HECW2: variants seen among roughly 807,000 people sequenced by gnomAD.
The protein encoded by HECW2 is HECT, C2 and WW domain containing E3 ubiquitin protein ligase 2, also known as E3 ubiquitin-protein ligase HECW2.
Under a neutral mutation model 175.2 loss-of-function variants are expected in HECW2, and 61 were observed. The ratio of observed to expected loss-of-function variants is 0.35; its 90% CI spans 0.28 to 0.43. The LOEUF (loss-of-function observed/expected upper bound fraction) is 0.43, where lower values mean the gene tolerates loss of function less well. HECW2 is among the 20% of genes least tolerant of loss of function. HECW2 has a pLI of 1.00. For synonymous variants in HECW2, 671 were observed against 731.0 expected (o/e 0.92, Z 1.32); for missense variants, 1,524 against 2,000.5 (o/e 0.76, Z 4.54).
Position 196,429,624 on chromosome 2 carries a change from G to T in HECW2, c.292+3508C>A, listed in dbSNP as rs189355416. On this transcript the variant is annotated intron_variant, in intron 2 of 28. Transcript: ENST00000644978. ...AGTGGTTTTCAGACATTGGAAAACA[G>T]ATGGTATTAGACTATAATCTCAGAG... 8.6e-4 allele frequency among the ~76,000 whole-genome samples: 131 copies of T among 152,354 alleles called. No individual in the cohort carries two copies. In the South Asian group the frequency reaches 0.012, roughly 14 times the overall value.
At position 196,523,056 on chromosome 2, in the gene HECW2, A is replaced by T. The variant is rs576798832; in HGVS notation, c.-36+70452T>A. ...TGATGGGGATGGCATTGAATCTGTAAATTACCTTGGGCAGTATGGCCATTT... is the reference window on the plus strand; with the variant it reads ...TGATGGGGATGGCATTGAATCTGTATATTACCTTGGGCAGTATGGCCATTT... On this transcript the variant is annotated intron_variant, in intron 1 of 28. Coordinates refer to ENST00000644978, the MANE Select transcript of HECW2 (RefSeq NM_001348768.2). Among the ~76,000 whole-genome samples, 102 of 151,512 alleles carry T rather than the reference A, an allele frequency of 6.7e-4. 2 individuals carry two copies. The highest frequency in any genetic ancestry group is 2.0e-3 in the African/African-American group (84 of 41,172).
In HECW2 at chr2:196,561,487, T is replaced by C. The variant is rs975132071; in HGVS notation, c.-36+32021A>G. The stretch of plus-strand genomic sequence containing the variant: ...TTGCCCTTGAAGCATGTGATCTTTG[T>C]GACCCACACCCTATTCGTACACTCC... On this transcript the variant is annotated intron_variant, in intron 1 of 28. Transcript: ENST00000644978. 4.6e-5 allele frequency among the ~76,000 whole-genome samples: 7 copies of C among 152,206 alleles called. 1 individual carries two copies. Among genetic ancestry groups the C allele is most frequent in the Non-Finnish European group, 7.3e-5 (5 of 68,038 alleles).
In HECW2 at chr2:196,201,286, T is replaced by G. The variant is rs1418807534; in HGVS notation, c.4710A>C (p.Gly1570=). The G allele has an allele frequency of 1.9e-6, 3 of 1,610,490 alleles. No homozygotes were observed. Among genetic ancestry groups the G allele is most frequent in the Non-Finnish European group, 2.5e-6 (3 of 1,176,904 alleles). Residue 1570 remains glycine, a synonymous_variant, in exon 29 of 29, where the codon GGA becomes GGC. Coordinates refer to ENST00000644978, the MANE Select transcript of HECW2 (RefSeq NM_001348768.2). ...GCATTCAGCTTCCAGGTCACTCAAGTCCAAAAGTACTGGTTTCTTCAACTG... is the reference window on the plus strand; with the variant it reads ...GCATTCAGCTTCCAGGTCACTCAAGGCCAAAAGTACTGGTTTCTTCAACTG... The part of the protein sequence containing the change: ...LTAVEETSTF[G]LE
chr2:196,332,723 A>G (rs1692412447), intron 4 of HECW2, among the ~76,000 whole-genome samples: 1 of 152,248 alleles, frequency 6.6e-6, no homozygotes, highest in Non-Finnish European at 1.5e-5. Flanking sequence ...GCTGTTGTCT[A>G]ATTTCAGACA....
At chr2:196,356,917 C>T (rs1171656001) in intron 2 of HECW2, among the ~76,000 whole-genome samples, 1 of 152,108 alleles carries the variant, frequency 6.6e-6, no homozygotes, top group African/African-American at 2.4e-5. Context: ...GAACGTATCC[C>T]CCGTGGATAA....
intron 1 of HECW2, among the ~76,000 whole-genome samples, chr2:196,504,007 TG>T (rs1687662993): frequency 2.0e-5 from 3 of 152,016 alleles, no homozygotes; most frequent in Admixed American, 2.0e-4. Flanking sequence ...TAAAAACTGG[TG>T]GAAGCTGCCA....
intron 1 of HECW2, among the ~76,000 whole-genome samples, chr2:196,539,161 T>C (rs1689120805): frequency 6.6e-6 from 1 of 152,134 alleles, no homozygotes; most frequent in Non-Finnish European, 1.5e-5. Context: ...TAAGTTCTTG[T>C]CTGGGGTGCT....
At chr2:196,305,013 C>G (rs1300418691) in intron 13 of HECW2, among the ~76,000 whole-genome samples, 1 of 152,232 alleles carries the variant, frequency 6.6e-6, no homozygotes, top group Non-Finnish European at 1.5e-5. Context: ...GCCTTTAAAA[C>G]TAATCTCAAA....
intron 28 of HECW2, among the ~76,000 whole-genome samples, chr2:196,203,035 G>C (rs1686924212): frequency 6.6e-6 from 1 of 152,120 alleles, no homozygotes; most frequent in Non-Finnish European, 1.5e-5. Flanking sequence ...TGTCATATGA[G>C]GTCAGTTGTG....
chr2:196,227,037 T>C (rs1285217892), intron 22 of HECW2, among the ~76,000 whole-genome samples: 1 of 152,238 alleles, frequency 6.6e-6, no homozygotes, highest in Non-Finnish European at 1.5e-5. Flanking sequence ...CTGAGATTCG[T>C]ACAGTAAGTT....
At chr2:196,216,019 A>C (rs1033544212) in intron 27 of HECW2, 42 bp from the exon 28 acceptor site, 12 of 1,399,178 alleles carry the variant, frequency 8.6e-6, no homozygotes, top group East Asian at 2.3e-5. Context: ...GAAGCCAGAG[A>C]CCAACAGCCA....
chr2:196,384,174 C>T (rs1183496020), intron 2 of HECW2, among the ~76,000 whole-genome samples: 1 of 152,192 alleles, frequency 6.6e-6, no homozygotes, highest in East Asian at 1.9e-4. Flanking sequence ...TAACCTTACT[C>T]ATTCACTTGG....
At chr2:196,476,037 C>T (rs550038038) in intron 1 of HECW2, among the ~76,000 whole-genome samples, 1 of 152,254 alleles carries the variant, frequency 6.6e-6, no homozygotes, top group African/African-American at 2.4e-5. Context: ...CAGGGAAAAC[C>T]CATTTGGTGT....
intron 2 of HECW2, among the ~76,000 whole-genome samples, chr2:196,370,047 A>G (rs1209817707): frequency 6.6e-6 from 1 of 151,906 alleles, no homozygotes; most frequent in Non-Finnish European, 1.5e-5. Flanking sequence ...GCAGTAAGAC[A>G]AAGTCCCCTT....
At chr2:196,392,483 A>T (rs998469567) in intron 2 of HECW2, among the ~76,000 whole-genome samples, 39 of 147,508 alleles carry the variant, frequency 2.6e-4, no homozygotes, top group South Asian at 2.0e-3. Flanking sequence ...ACATTAAAAA[A>T]TTTTTGTTAA....
intron 1 of HECW2, among the ~76,000 whole-genome samples, chr2:196,449,930 G>A (rs966834943): frequency 6.6e-6 from 1 of 152,106 alleles, no homozygotes; most frequent in Non-Finnish European, 1.5e-5. Flanking sequence ...ATAAAGAAGA[G>A]ACTTGGAATC....
chr2:196,383,094 C>T (rs573871925), intron 2 of HECW2, among the ~76,000 whole-genome samples: 1 of 152,212 alleles, frequency 6.6e-6, no homozygotes, highest in Admixed American at 6.5e-5. Flanking sequence ...AAAGTTGAAG[C>T]AGTGGAGCCA....
chr2:196,317,180 C>T lies in HECW2; in HGVS notation c.2434+94G>A. 3 of 959,006 alleles carry T rather than the reference C, an allele frequency of 3.1e-6. No homozygotes were observed. The South Asian group carries it at 4.2e-5, about 13-fold the overall frequency. The allele number at this position is 959,006 out of a possible 1,614,324, so 59.4% of individuals were successfully genotyped here. A position where few individuals can be genotyped will look rare whatever the true frequency, so the allele number is the denominator to read the frequency against. ...CCCCAGATTCCTTCCGCTTGAAGAC[C>T]ATGTATCCATCTTTTGAGACTCATG... On this transcript the variant is annotated intron_variant, in intron 10 of 28. Coordinates refer to ENST00000644978, the MANE Select transcript of HECW2 (RefSeq NM_001348768.2).
chr2:196,293,836 A>G (rs73045920), intron 13 of HECW2, among the ~76,000 whole-genome samples: 1,982 of 152,292 alleles, frequency 0.013, 41 homozygotes, highest in African/African-American at 0.045. Flanking sequence ...GCCAAGTTGC[A>G]TGGAAAAATG....
Sources: gnomAD v4.1 joint callset for allele counts (sites outside exome capture counted in the v4.1 genomes callset) on GRCh38, gnomAD v4.1.1 for gene constraint, MANE v1.5 for transcripts, NCBI Gene and HGNC (gene_info 2026-07-23, HGNC 2026-07-21) for gene names.